PTGER3: variants seen among roughly 807,000 people sequenced by gnomAD.
PTGER3 encodes the protein prostaglandin E2 receptor EP3 subtype.
A neutral mutation model predicts 34.7 loss-of-function variants in PTGER3; 22 were observed. That is an observed-to-expected ratio of 0.63 (90% confidence interval 0.45 to 0.91). PTGER3 has a LOEUF of 0.91. PTGER3 is among the 40% of genes least tolerant of loss of function. The pLI is 0.00. For missense variants in PTGER3, 468 were observed against 519.4 expected (o/e 0.90, Z 0.96); for synonymous variants, 241 against 230.1 (o/e 1.05, Z -0.43).
At chr1:70,946,833 A>T (rs1650269500) in intron 4 of PTGER3, among the ~76,000 whole-genome samples, 1 of 152,154 alleles carries the variant, frequency 6.6e-6, no homozygotes, top group South Asian at 2.1e-4. Context: ...TCCAGGAATC[A>T]GATATGCATG....
At chr1:70,868,562 G>A (rs144302504) in intron 4 of PTGER3, among the ~76,000 whole-genome samples, 83 of 152,266 alleles carry the variant, frequency 5.5e-4, no homozygotes, top group African/African-American at 2.0e-3. Flanking sequence ...AAAGATCACA[G>A]CCACTAAGAT....
intron 4 of PTGER3, among the ~76,000 whole-genome samples, chr1:70,928,386 C>T (rs1401614772): frequency 1.3e-5 from 2 of 151,450 alleles, no homozygotes; most frequent in Non-Finnish European, 2.9e-5. Context: ...ACAATCCCAA[C>T]TCTTTGGGAG....
chr1:70,887,837 A>G (rs1646530573), intron 4 of PTGER3, among the ~76,000 whole-genome samples: 1 of 152,072 alleles, frequency 6.6e-6, no homozygotes, highest in East Asian at 1.9e-4. Context: ...ACTGCAGACC[A>G]CTATGTAAAC....
intron 2 of PTGER3, 103 bp from the exon 3 acceptor site, chr1:70,974,491 T>A (rs982106442): frequency 1.5e-6 from 1 of 662,988 alleles, no homozygotes. Context: ...ATGATCAATA[T>A]GGATGTTTTA....
At chr1:70,918,466 C>A (rs1329601878) in intron 4 of PTGER3, among the ~76,000 whole-genome samples, 1 of 152,004 alleles carries the variant, frequency 6.6e-6, no homozygotes, top group East Asian at 1.9e-4. Flanking sequence ...GTGGAGACTA[C>A]CTACAAAGTC....
At chr1:70,947,723 C>T (rs997192057), downstream of PTGER3, among the ~76,000 whole-genome samples, 1 of 152,130 alleles carries the variant, frequency 6.6e-6, no homozygotes, top group Non-Finnish European at 1.5e-5. Flanking sequence ...ATTGCTGAGA[C>T]ATTAATGCTG....
In PTGER3 at chr1:70,957,958, C is replaced by T. The variant is rs113244259; in HGVS notation, c.1078-4169G>A. Among the ~76,000 whole-genome samples the T allele has an allele frequency of 6.8e-4, 104 of 152,194 alleles. 1 individual carries two copies. Among genetic ancestry groups the T allele is most frequent in the African/African-American group, 2.4e-3 (98 of 41,512 alleles). ...TTGTCTTTCTGTGTCTAGCTTATTT[C>T]ACATAATATAATGTCCTCCAGGTTC... On this transcript the variant is annotated intron_variant, in intron 2 of 3. Transcript: ENST00000356595.
chr1:70,970,637 T>G (rs1188994774), downstream of PTGER3: 1 of 161,526 alleles, frequency 6.2e-6, no homozygotes, highest in Admixed American at 6.6e-5. Context: ...GAGGAGACAC[T>G]CAGTAAATAT....
intron 4 of PTGER3, among the ~76,000 whole-genome samples, chr1:70,903,749 G>C (rs957496088): frequency 6.6e-6 from 1 of 152,102 alleles, no homozygotes; most frequent in Non-Finnish European, 1.5e-5. Flanking sequence ...GAACCAAAAG[G>C]GATCACAATT....
chr1:70,921,535 G>A (rs575261422), intron 4 of PTGER3, among the ~76,000 whole-genome samples: 1 of 152,096 alleles, frequency 6.6e-6, no homozygotes, highest in South Asian at 2.1e-4. Context: ...GTATTGTTCT[G>A]TCATAATAAG....
chr1:71,045,307 C>T (rs956735382), intron 1 of PTGER3, among the ~76,000 whole-genome samples: 3 of 152,148 alleles, frequency 2.0e-5, no homozygotes, highest in African/African-American at 4.8e-5. Context: ...CCTAATGCCA[C>T]TGAACTGTAC....
chr1:70,971,798 G>T, intron 3 of PTGER3, 65 bp from the exon 4 acceptor site: 1 of 1,184,102 alleles, frequency 8.4e-7, no homozygotes, highest in Non-Finnish European at 1.2e-6. Context: ...TAAATTTTGT[G>T]TATGGTGTGA....
chr1:71,045,297 C>T (rs1000627316), intron 1 of PTGER3, among the ~76,000 whole-genome samples: 8 of 152,136 alleles, frequency 5.3e-5, no homozygotes, highest in African/African-American at 1.9e-4. Flanking sequence ...GTACTTAATG[C>T]CTAATGCCAC....
chr1:70,864,171 C>A (rs912292290), intron 4 of PTGER3, among the ~76,000 whole-genome samples: 1 of 152,070 alleles, frequency 6.6e-6, no homozygotes, highest in Non-Finnish European at 1.5e-5. Flanking sequence ...CCACCTTATT[C>A]TAGCTATTTA....
intron 2 of PTGER3, chr1:71,006,268 C>T (rs1295004752): frequency 1.0e-6 from 1 of 985,248 alleles, no homozygotes; most frequent in Non-Finnish European, 1.2e-6. Context: ...CCTTGGATAT[C>T]TTTTCTCACG....
chr1:70,875,677 T>C (rs1250920946), intron 4 of PTGER3, among the ~76,000 whole-genome samples: 1 of 152,154 alleles, frequency 6.6e-6, no homozygotes, highest in African/African-American at 2.4e-5. Context: ...TTTATGGTCA[T>C]GTGTACCCAG....
At chr1:70,876,736 G>T (rs1305546495) in intron 4 of PTGER3, among the ~76,000 whole-genome samples, 1 of 152,010 alleles carries the variant, frequency 6.6e-6, no homozygotes, top group Non-Finnish European at 1.5e-5. Context: ...ACTTGTTTTT[G>T]TCAACTTTGT....
At chr1:71,025,177 T>TC (rs1430351667) in intron 1 of PTGER3, among the ~76,000 whole-genome samples, 3 of 102,420 alleles carry the variant, frequency 2.9e-5, no homozygotes, top group Non-Finnish European at 4.0e-5. Flanking sequence ...TCCTTCCTTT[T>TC]TTTCCTTCCT....
At chr1:71,046,188 A>G (rs1189683005) in intron 1 of PTGER3, among the ~76,000 whole-genome samples, 2 of 142,908 alleles carry the variant, frequency 1.4e-5, no homozygotes, top group Non-Finnish European at 3.0e-5. Context: ...GGAGAGGCTG[A>G]GGCAGGAGAA....
Sources: allele counts gnomAD v4.1 joint callset (sites outside exome capture counted in the v4.1 genomes callset), GRCh38; gene constraint gnomAD v4.1.1; transcripts MANE v1.5; gene names NCBI Gene and HGNC (gene_info 2026-07-23, HGNC 2026-07-21).